The following CACNA1C variants were observed in gnomAD, a reference collection of about 807,000 sequenced individuals.
The protein encoded by CACNA1C is voltage-dependent L-type calcium channel subunit alpha-1C.
A neutral mutation model predicts 229.0 loss-of-function variants in CACNA1C; 30 were observed. The observed-to-expected ratio is 0.13, with a 90% CI of 0.10 to 0.18. The LOEUF (loss-of-function observed/expected upper bound fraction) is 0.18, where lower values mean the gene tolerates loss of function less well. Among genes scored for constraint, CACNA1C ranks in the 10% least tolerant of loss-of-function variants. The pLI is 1.00. For synonymous variants in CACNA1C, 1,114 were observed against 1,132.5 expected, an observed-to-expected ratio of 0.98 and a Z score of 0.33; for missense variants, 1,658 against 2,845.0, an observed-to-expected ratio of 0.58 and a Z score of 9.49.
chr12:2,321,222 G>C (rs958694578), intron 3 of CACNA1C, among the ~76,000 whole-genome samples: 5 of 151,924 alleles, frequency 3.3e-5, no homozygotes, highest in South Asian at 4.2e-4. Flanking sequence ...GTGGTCGTTG[G>C]GGGGGTGGGG....
At chr12:2,081,307 A>C (rs1018658114) in intron 1 of CACNA1C, among the ~76,000 whole-genome samples, 1 of 152,192 alleles carries the variant, frequency 6.6e-6, no homozygotes, top group Non-Finnish European at 1.5e-5. Flanking sequence ...GCGGTGGCTC[A>C]CGCCTGTAAT....
At position 2,593,291 on chromosome 12, in the gene CACNA1C, A is replaced by C. The variant is rs2066350013; in HGVS notation, c.2609A>C (p.Lys870Thr). 6.2e-7 allele frequency: 1 copy of C among 1,613,770 alleles called. No homozygotes were observed. The highest frequency in any genetic ancestry group is 8.5e-7 in the Non-Finnish European group (1 of 1,179,834). The change falls in exon 19 of 47, where the codon AAG (lysine) becomes ACG (threonine). Residue 870 changes from lysine to threonine, a missense_variant. Coordinates refer to ENST00000399655, the MANE Select transcript of CACNA1C (RefSeq NM_000719.7). ...CTCTCTGAGCTTCACCTTAAGGAAAAGGCAGTGCCCATGCCAGAAGCCAGC... is the reference window on the plus strand; with the variant it reads ...CTCTCTGAGCTTCACCTTAAGGAAACGGCAGTGCCCATGCCAGAAGCCAGC... Reference protein sequence around the residue: ...RPLSELHLKEKAVPMPEASAF... With the variant: ...RPLSELHLKETAVPMPEASAF...
intron 3 of CACNA1C, among the ~76,000 whole-genome samples, chr12:2,395,321 A>G (rs1056579557): frequency 4.0e-5 from 6 of 151,006 alleles, no homozygotes; most frequent in Admixed American, 2.7e-4. Context: ...TTGGTTGAAG[A>G]GATTCCCCTG....
rs1003711773 is a variant in CACNA1C, at chr12:2,354,275, C to T, written c.478-94701C>T. 2.0e-5 allele frequency among the ~76,000 whole-genome samples: 3 copies of T among 152,210 alleles called. No homozygotes were observed. Among genetic ancestry groups the T allele is most frequent in the Non-Finnish European group, 4.4e-5 (3 of 68,038 alleles). ...CTGGCTCTCTTGCCTAAGCCTGTCA[C>T]AGAAGCCCTGCAGAGCAGGAAACAC... is the stretch of plus-strand genomic sequence containing the variant. On this transcript the variant is annotated intron_variant, in intron 3 of 46. Transcript: ENST00000399655. The surrounding 1 kb of genome is among the most constrained non-coding windows in gnomAD (Gnocchi z 4.6).
chr12:2,661,252 A>G (rs2095704991), intron 34 of CACNA1C, among the ~76,000 whole-genome samples: 1 of 144,312 alleles, frequency 6.9e-6, no homozygotes, highest in Non-Finnish European at 1.5e-5. Context: ...ATGAAGTGAC[A>G]TCCCATCTCT....
At chr12:2,024,228 A>G (rs183054568) in intron 1 of CACNA1C, among the ~76,000 whole-genome samples, 20 of 152,344 alleles carry the variant, frequency 1.3e-4, no homozygotes, top group African/African-American at 4.6e-4. Flanking sequence ...AGAAAATTGC[A>G]TAAGGGGCTT....
intron 18 of CACNA1C, among the ~76,000 whole-genome samples, chr12:2,591,148 A>G (rs2065121453): frequency 6.6e-6 from 1 of 152,158 alleles, no homozygotes; most frequent in Admixed American, 6.5e-5. Flanking sequence ...GGCCCTCCAA[A>G]AAAGCCTTGG....
Position 2,053,514 on chromosome 12 carries a change from A to C in CACNA1C, c.-49A>C. The C allele has an allele frequency of 6.4e-7, 1 of 1,552,332 alleles. No homozygotes were observed. The highest frequency in any genetic ancestry group is 2.0e-5 in the Admixed American group (1 of 51,054). On this transcript the variant is annotated 5_prime_UTR_variant, in exon 1 of 47. Coordinates refer to ENST00000399655, the MANE Select transcript of CACNA1C (RefSeq NM_000719.7). The surrounding 1 kb of genome is among the most constrained non-coding windows in gnomAD (Gnocchi z 5.8). ...CAGACCCGCCGGGGGGTGTTTTCAC[A>C]TTTCTTCCTCTTCGTGGCTGCTCCT...
At chr12:2,147,373 T>C (rs1418534476) in intron 3 of CACNA1C, among the ~76,000 whole-genome samples, 2 of 151,404 alleles carry the variant, frequency 1.3e-5, no homozygotes, top group African/African-American at 4.8e-5. Context: ...TGTATGATGT[T>C]AATAAATGGG....
intron 3 of CACNA1C, among the ~76,000 whole-genome samples, chr12:2,436,966 G>T (rs2099140894): frequency 1.3e-5 from 2 of 152,216 alleles, no homozygotes; most frequent in African/African-American, 4.8e-5. Context: ...GGCTGCCACA[G>T]TTCCAGACTT....
At position 2,512,093 on chromosome 12, in the gene CACNA1C, G is replaced by A. The variant is rs769224190; in HGVS notation, c.1218-719G>A. Among the ~76,000 whole-genome samples, 16 of 152,210 alleles carry A rather than the reference G, an allele frequency of 1.1e-4. No homozygotes were observed. The highest frequency in any genetic ancestry group is 2.6e-4 in the Admixed American group (4 of 15,280). ...GAATGCTGAGTGGCAGGTTGAGCTC[G>A]TCATAAGAATAGAGATTGAGGACAT... On this transcript the variant is annotated intron_variant, in intron 8 of 46. Coordinates refer to ENST00000399655, the MANE Select transcript of CACNA1C (RefSeq NM_000719.7). This position sits in a 1 kb window ranked among gnomAD's most constrained non-coding sequence, Gnocchi z 4.3.
rs11429670 is a variant in CACNA1C, at chr12:2,692,303, C to CT, written c.*1109dup. ...ACATGTGGGTGATAGAGTTGGGTTC[C>CT]TTTTTATGCTGGGTGTACAGGTGGG... is the stretch of plus-strand genomic sequence containing the variant. On this transcript the variant is annotated 3_prime_UTR_variant, in exon 47 of 47. Coordinates refer to ENST00000399655, the MANE Select transcript of CACNA1C (RefSeq NM_000719.7). 0.17 allele frequency: 25,773 copies of CT among 152,196 alleles called. 2,362 individuals carry two copies. The highest frequency in any genetic ancestry group is 0.26 in the East Asian group (1,324 of 5,166). 9.4% of individuals were successfully genotyped at this position (152,196 alleles called of 1,614,324 possible).
intron 3 of CACNA1C, among the ~76,000 whole-genome samples, chr12:2,214,672 G>A (rs1025792125): frequency 2.6e-5 from 4 of 151,750 alleles, no homozygotes; most frequent in Admixed American, 2.0e-4. Flanking sequence ...TCCCTGCTCC[G>A]GGGAGGTGGG....
intron 29 of CACNA1C, among the ~76,000 whole-genome samples, chr12:2,625,467 C>A (rs759985056): frequency 1.1e-4 from 17 of 152,208 alleles, no homozygotes; most frequent in Non-Finnish European, 2.4e-4. Flanking sequence ...GCCAGTGCTT[C>A]CGGCCCTGCG....
chr12:2,297,793 G>A (rs1057456291), intron 3 of CACNA1C, among the ~76,000 whole-genome samples: 3 of 152,090 alleles, frequency 2.0e-5, no homozygotes, highest in African/African-American at 4.8e-5. Context: ...GTGCATATAC[G>A]TGTATCTGTC....
Position 2,067,918 on chromosome 12 carries a change from A to G in CACNA1C, c.49+14307A>G, listed in dbSNP as rs1022936752. On this transcript the variant is annotated intron_variant, in intron 1 of 46. Coordinates refer to ENST00000399655, the MANE Select transcript of CACNA1C (RefSeq NM_000719.7). This position sits in a 1 kb window ranked among gnomAD's most constrained non-coding sequence, Gnocchi z 5.3. ...GCCTATGATATTGGCTCTCTGGAGAACCGGTTAGCCTTTGTGGAGTGTTAA... is the reference window on the plus strand; with the variant it reads ...GCCTATGATATTGGCTCTCTGGAGAGCCGGTTAGCCTTTGTGGAGTGTTAA... Among the ~76,000 whole-genome samples the G allele has an allele frequency of 3.3e-5, 5 of 152,176 alleles. No homozygotes were observed. The highest frequency in any genetic ancestry group is 7.4e-5 in the Non-Finnish European group (5 of 68,026).
chr12:2,037,606 AGGG>A (rs2049371655), intron 1 of CACNA1C, among the ~76,000 whole-genome samples: 1 of 152,200 alleles, frequency 6.6e-6, no homozygotes, highest in Non-Finnish European at 1.5e-5. Flanking sequence ...CAGGTCAGGC[AGGG>A]GTGCACTGCA....
intron 1 of CACNA1C, among the ~76,000 whole-genome samples, chr12:2,094,293 T>A (rs946045622): frequency 6.6e-6 from 1 of 152,102 alleles, no homozygotes; most frequent in Non-Finnish European, 1.5e-5. Context: ...ACAGTGCACA[T>A]CCCATGCTCA....
intron 3 of CACNA1C, among the ~76,000 whole-genome samples, chr12:2,360,156 ACCCCCCCC>A (rs796441635): frequency 1.8e-5 from 1 of 57,076 alleles, no homozygotes; most frequent in Non-Finnish European, 3.4e-5. Context: ...AACACACCCC[ACCCCCCCC>A]CACCCCCCCA....
Sources: allele counts gnomAD v4.1 joint callset (sites outside exome capture counted in the v4.1 genomes callset), GRCh38; gene constraint gnomAD v4.1.1; non-coding constraint Gnocchi (gnomAD v3.1); transcripts MANE v1.5; gene names NCBI Gene and HGNC (gene_info 2026-07-23, HGNC 2026-07-21).